The following PRKD1 variants were observed in gnomAD, a reference collection of about 807,000 sequenced individuals.
PRKD1 encodes protein kinase D1.
Under a neutral mutation model 95.9 loss-of-function variants are expected in PRKD1, and 63 were observed. The ratio of observed to expected loss-of-function variants is 0.66; its 90% CI spans 0.54 to 0.81. The LOEUF (loss-of-function observed/expected upper bound fraction) is 0.81, where lower values mean the gene tolerates loss of function less well. PRKD1 is among the 30% of genes least tolerant of loss of function. The pLI is 0.00. For missense variants in PRKD1, 1,048 were observed against 1,165.3 expected, an observed-to-expected ratio of 0.90 and a Z score of 1.47; for synonymous variants, 425 against 423.1, an observed-to-expected ratio of 1.00 and a Z score of -0.05.
At chr14:29,726,798 A>AAC (rs1566564207) in intron 1 of PRKD1, among the ~76,000 whole-genome samples, 1 of 152,012 alleles carries the variant, frequency 6.6e-6, no homozygotes, top group African/African-American at 2.4e-5. Context: ...AAAAAAAAAA[A>AAC]ACACAACAGC....
intron 1 of PRKD1, among the ~76,000 whole-genome samples, chr14:29,858,247 C>A (rs1007449816): frequency 6.6e-5 from 10 of 152,194 alleles, no homozygotes; most frequent in African/African-American, 2.4e-4. Flanking sequence ...CACCATCTGA[C>A]CTCATAATTC....
chr14:29,591,656 T>C (rs1436239779), intron 16 of PRKD1, among the ~76,000 whole-genome samples: 1 of 152,232 alleles, frequency 6.6e-6, no homozygotes, highest in Non-Finnish European at 1.5e-5. Context: ...TAAGCCATTA[T>C]CAAAGAGGCT....
At chr14:29,705,293 T>C (rs1566550506) in intron 2 of PRKD1, among the ~76,000 whole-genome samples, 1 of 152,042 alleles carries the variant, frequency 6.6e-6, no homozygotes, top group Admixed American at 6.6e-5. Flanking sequence ...CCATGTTATT[T>C]TAACATACTA....
chr14:29,622,367 C>CCCTTCCTT (rs10522763), intron 13 of PRKD1, among the ~76,000 whole-genome samples: 70,856 of 144,688 alleles, frequency 0.49, 18,841 homozygotes, highest in East Asian at 0.68. Flanking sequence ...GTATTTTTCT[C>CCCTTCCTT]CCTTCCTTCC....
chr14:29,913,759 T>C (rs1226203513), intron 1 of PRKD1, among the ~76,000 whole-genome samples: 1 of 152,210 alleles, frequency 6.6e-6, no homozygotes, highest in Non-Finnish European at 1.5e-5. Context: ...GCATGCGTGA[T>C]TCGCTTTACC....
At chr14:29,629,557 A>T (rs1311167291) in intron 10 of PRKD1, among the ~76,000 whole-genome samples, 1 of 152,228 alleles carries the variant, frequency 6.6e-6, no homozygotes, top group East Asian at 1.9e-4. Flanking sequence ...GAGATAAATT[A>T]AAAAATTATG....
intron 1 of PRKD1, among the ~76,000 whole-genome samples, chr14:29,840,091 C>T (rs930950863): frequency 3.9e-5 from 6 of 152,144 alleles, no homozygotes; most frequent in African/African-American, 9.7e-5. Context: ...TTTTCTATCA[C>T]ATTGTCAGGC....
intron 2 of PRKD1, among the ~76,000 whole-genome samples, chr14:29,715,855 A>G (rs1885581146): frequency 6.6e-6 from 1 of 152,164 alleles, no homozygotes; most frequent in South Asian, 2.1e-4. Context: ...TAAACCCCAA[A>G]TAATCCAGAG....
intron 1 of PRKD1, among the ~76,000 whole-genome samples, chr14:29,882,297 A>G (rs1236039366): frequency 1.3e-5 from 2 of 152,238 alleles, no homozygotes; most frequent in Non-Finnish European, 2.9e-5. Flanking sequence ...TTTAGGACAA[A>G]TAGTGACTCA....
At chr14:29,838,390 T>C (rs1891692865) in intron 1 of PRKD1, among the ~76,000 whole-genome samples, 1 of 152,174 alleles carries the variant, frequency 6.6e-6, no homozygotes, top group South Asian at 2.1e-4. Flanking sequence ...ACATCTGTTG[T>C]TTATTAAGGA....
At chr14:29,831,627 C>T (rs945934420) in intron 1 of PRKD1, among the ~76,000 whole-genome samples, 1 of 151,978 alleles carries the variant, frequency 6.6e-6, no homozygotes, top group Non-Finnish European at 1.5e-5. Flanking sequence ...TGCCACCACA[C>T]CCAGCTAATT....
intron 2 of PRKD1, among the ~76,000 whole-genome samples, chr14:29,670,411 G>A (rs1220813809): frequency 2.0e-5 from 3 of 152,160 alleles, no homozygotes; most frequent in Non-Finnish European, 2.9e-5. Flanking sequence ...CCTGAAGGTT[G>A]AAGAGTATTT....
At chr14:29,902,584 G>A (rs1894355179) in intron 1 of PRKD1, among the ~76,000 whole-genome samples, 1 of 152,174 alleles carries the variant, frequency 6.6e-6, no homozygotes, top group Non-Finnish European at 1.5e-5. Context: ...GCTGCTCCAA[G>A]ATTGAGATAT....
intron 17 of PRKD1, 126 bp downstream of exon 17, chr14:29,578,149 T>G: frequency 1.3e-6 from 1 of 752,352 alleles, no homozygotes; most frequent in South Asian, 1.8e-5. Flanking sequence ...TGCATGCATT[T>G]GAGCAAATAA....
chr14:29,828,225 G>A (rs1891272277), intron 1 of PRKD1, among the ~76,000 whole-genome samples: 1 of 152,150 alleles, frequency 6.6e-6, no homozygotes, highest in African/African-American at 2.4e-5. Flanking sequence ...TAGGAAGTCT[G>A]ATGCCAGTAT....
intron 1 of PRKD1, among the ~76,000 whole-genome samples, chr14:29,826,860 T>TATACACAC (rs1268577350): frequency 1.3e-4 from 13 of 98,902 alleles, no homozygotes; most frequent in African/African-American, 5.0e-4. Flanking sequence ...TATATATATA[T>TATACACAC]ATATATATAT....
chr14:29,788,975 C>T (rs1889403521), intron 1 of PRKD1, among the ~76,000 whole-genome samples: 1 of 152,128 alleles, frequency 6.6e-6, no homozygotes, highest in South Asian at 2.1e-4. Context: ...CAGCCTCAAC[C>T]TCCTGGGCTC....
At chr14:29,857,952 C>A (rs997303854) in intron 1 of PRKD1, among the ~76,000 whole-genome samples, 21 of 152,126 alleles carry the variant, frequency 1.4e-4, no homozygotes, top group Non-Finnish European at 2.2e-4. Flanking sequence ...TATCATAGTA[C>A]CACAGTGAAA....
chr14:29,782,699 C>T (rs912660796), intron 1 of PRKD1, among the ~76,000 whole-genome samples: 1 of 151,714 alleles, frequency 6.6e-6, no homozygotes, highest in South Asian at 2.1e-4. Context: ...ACCACCATGC[C>T]CAGCTAATTT....
Sources: gnomAD v4.1 joint callset for allele counts (sites outside exome capture counted in the v4.1 genomes callset) on GRCh38, gnomAD v4.1.1 for gene constraint, MANE v1.5 for transcripts, NCBI Gene and HGNC (gene_info 2026-07-23, HGNC 2026-07-21) for gene names.